SLC23A2: variants seen among roughly 807,000 people sequenced by gnomAD.
The protein encoded by SLC23A2 is Na(+)/L-ascorbic acid transporter 2.
SLC23A2 carries 36 observed loss-of-function variants against 73.3 expected under a neutral mutation model. The observed-to-expected ratio is 0.49, with a 90% CI of 0.38 to 0.65. SLC23A2 has a LOEUF of 0.65. Ranked by LOEUF, SLC23A2 falls within the 30% of genes least tolerant of loss-of-function variation. The probability of loss-of-function intolerance (pLI) is 0.00; values close to 1 mark genes in which losing one functional copy is unlikely to be tolerated. For missense variants in SLC23A2, 507 were observed against 841.6 expected (o/e 0.60, Z 4.92); for synonymous variants, 343 against 327.3 (o/e 1.05, Z -0.52).
chr20:4,990,122 T>G (rs2122318570), intron 1 of SLC23A2, among the ~76,000 whole-genome samples: 1 of 152,308 alleles, frequency 6.6e-6, no homozygotes, highest in East Asian at 1.9e-4. Flanking sequence ...AGTCACCACT[T>G]AGAAAAGAAC....
At chr20:4,939,687 T>G (rs1776981) in intron 2 of SLC23A2, among the ~76,000 whole-genome samples, 6,907 of 152,240 alleles carry the variant, frequency 0.045, 239 homozygotes, top group African/African-American at 0.095. Context: ...GTGACTGAGA[T>G]CACCTGGCCC....
At chr20:4,897,795 T>G (rs573998168) in intron 6 of SLC23A2, among the ~76,000 whole-genome samples, 33 of 152,282 alleles carry the variant, frequency 2.2e-4, no homozygotes, top group African/African-American at 7.7e-4. Context: ...TGGCATGAGC[T>G]GGGGCAGAGC....
chr20:4,980,626 G>C (rs12626067), intron 1 of SLC23A2, among the ~76,000 whole-genome samples: 1,739 of 151,690 alleles, frequency 0.011, 31 homozygotes, highest in East Asian at 0.049. Context: ...CCGCCTCCCA[G>C]TTCAAGTGAT....
In SLC23A2 at chr20:4,863,366, C is replaced by G. The variant is rs921512157; in HGVS notation, c.1357-459G>C. ...CGTGAGAGGTGGAAAAGAGAAGGGGCTACGGATGAGGACATCTGGAGCCTG... is the reference window on the plus strand; with the variant it reads ...CGTGAGAGGTGGAAAAGAGAAGGGGGTACGGATGAGGACATCTGGAGCCTG... On this transcript the variant is annotated intron_variant, in intron 13 of 16. Transcript: ENST00000338244. The surrounding 1 kb of genome is among the most constrained non-coding windows in gnomAD (Gnocchi z 4.8). Among the ~76,000 whole-genome samples, 2 of 152,230 alleles carry G rather than the reference C, an allele frequency of 1.3e-5. No individual in the cohort carries two copies. Among genetic ancestry groups the G allele is most frequent in the Non-Finnish European group, 2.9e-5 (2 of 68,044 alleles).
intron 1 of SLC23A2, among the ~76,000 whole-genome samples, chr20:4,972,412 C>T (rs560299462): frequency 7.3e-5 from 11 of 150,488 alleles, no homozygotes; most frequent in African/African-American, 2.4e-4. Flanking sequence ...GGAAAAAATA[C>T]TCACTTTAAA....
At chr20:4,933,463 T>A (rs528014759) in intron 2 of SLC23A2, among the ~76,000 whole-genome samples, 30 of 148,978 alleles carry the variant, frequency 2.0e-4, no homozygotes, top group South Asian at 1.5e-3. Flanking sequence ...AAAAAAAAAA[T>A]AATAATAATA....
At chr20:4,994,098 A>G (rs2087977220) in intron 1 of SLC23A2, among the ~76,000 whole-genome samples, 1 of 152,142 alleles carries the variant, frequency 6.6e-6, no homozygotes, top group Admixed American at 6.5e-5. Flanking sequence ...AAATATAGAT[A>G]CATGAATTCA....
intron 4 of SLC23A2, among the ~76,000 whole-genome samples, chr20:4,903,587 AGGGGTTT>A (rs1033867308): frequency 2.6e-5 from 4 of 152,222 alleles, no homozygotes; most frequent in African/African-American, 9.7e-5. Flanking sequence ...TGGAGGCAAC[AGGGGTTT>A]GGGGTTTGGG....
intron 1 of SLC23A2, among the ~76,000 whole-genome samples, chr20:4,983,238 T>A (rs555558823): frequency 8.5e-5 from 13 of 152,280 alleles, no homozygotes; most frequent in African/African-American, 3.1e-4. Flanking sequence ...GGGGTAAATC[T>A]TTATGACCTT....
chr20:4,896,368 G>A (rs1464989466), intron 6 of SLC23A2, among the ~76,000 whole-genome samples: 2 of 152,154 alleles, frequency 1.3e-5, no homozygotes, highest in African/African-American at 4.8e-5. Flanking sequence ...CTGCTGGTCG[G>A]AGAGGAAGCA....
At chr20:4,946,079 C>T (rs1353648330) in intron 2 of SLC23A2, among the ~76,000 whole-genome samples, 1 of 152,152 alleles carries the variant, frequency 6.6e-6, no homozygotes, top group East Asian at 1.9e-4. Flanking sequence ...CTCCTTTGCA[C>T]CCTAATGTGC....
At chr20:4,935,577 T>C (rs1180971692) in intron 2 of SLC23A2, among the ~76,000 whole-genome samples, 3 of 152,100 alleles carry the variant, frequency 2.0e-5, no homozygotes, top group Non-Finnish European at 4.4e-5. Context: ...GGCAGGCGGA[T>C]CACGAGGTCA....
At chr20:4,915,634 G>C (rs1381637346) in intron 3 of SLC23A2, among the ~76,000 whole-genome samples, 1 of 152,116 alleles carries the variant, frequency 6.6e-6, no homozygotes, top group Non-Finnish European at 1.5e-5. Context: ...TTATAACCTA[G>C]GTCTGAAGTG....
chr20:4,953,868 G>A (rs1043169552), intron 2 of SLC23A2, among the ~76,000 whole-genome samples: 9 of 152,054 alleles, frequency 5.9e-5, no homozygotes, highest in African/African-American at 1.9e-4. Flanking sequence ...CAGCCTCAGC[G>A]ACAGACAGAG....
intron 4 of SLC23A2, among the ~76,000 whole-genome samples, chr20:4,904,199 G>A (rs1931854629): frequency 6.6e-6 from 1 of 152,206 alleles, no homozygotes; most frequent in Non-Finnish European, 1.5e-5. Context: ...GGGCTGGTGA[G>A]TAATTAAAGT....
At chr20:4,953,640 G>A (rs2087237332) in intron 2 of SLC23A2, among the ~76,000 whole-genome samples, 1 of 152,130 alleles carries the variant, frequency 6.6e-6, no homozygotes, top group Non-Finnish European at 1.5e-5. Flanking sequence ...TGTAATCTTA[G>A]CACTTTGGGA....
Position 4,902,309 on chromosome 20 carries a change from T to C in SLC23A2, c.324+133A>G. The stretch of plus-strand genomic sequence containing the variant: ...ATCAGCCACTGTGCTCAGCCCCTAC[T>C]CATCACTCTTAAAAGAGGAATTTAT... On this transcript the variant is annotated intron_variant, in intron 5 of 16. Coordinates refer to ENST00000338244, the MANE Select transcript of SLC23A2 (RefSeq NM_005116.6). This position sits in a 1 kb window ranked among gnomAD's most constrained non-coding sequence, Gnocchi z 4.0. 1 of 579,622 alleles carries C rather than the reference T, an allele frequency of 1.7e-6. No homozygotes were observed. The highest frequency in any genetic ancestry group is 3.1e-6 in the Non-Finnish European group (1 of 327,462). The allele number at this position is 579,622 out of a possible 1,614,324, so 35.9% of individuals were successfully genotyped here.
intron 1 of SLC23A2, among the ~76,000 whole-genome samples, chr20:4,999,525 G>GT (rs1600220349): frequency 6.7e-6 from 1 of 150,356 alleles, no homozygotes; most frequent in African/African-American, 2.4e-5. Context: ...CCAGGTACTG[G>GT]TTTTTTTTAA....
chr20:4,867,305 GCTCC>G (rs1367969485), intron 13 of SLC23A2, among the ~76,000 whole-genome samples: 1 of 152,010 alleles, frequency 6.6e-6, no homozygotes, highest in Admixed American at 6.6e-5. Context: ...TTATTTGCAG[GCTCC>G]CTCCCTCCAC....
Sources: gnomAD v4.1 joint callset for allele counts (sites outside exome capture counted in the v4.1 genomes callset) on GRCh38, gnomAD v4.1.1 for gene constraint, Gnocchi (gnomAD v3.1) non-coding constraint, MANE v1.5 for transcripts, NCBI Gene and HGNC (gene_info 2026-07-23, HGNC 2026-07-21) for gene names.